The following CLSTN2 variants were observed in gnomAD, a reference collection of about 807,000 sequenced individuals.
CLSTN2 encodes the protein calsyntenin 2.
CLSTN2 carries 48 observed loss-of-function variants against 101.2 expected under a neutral mutation model. That is an observed-to-expected ratio of 0.47 (90% CI 0.38 to 0.60). The LOEUF (loss-of-function observed/expected upper bound fraction) is 0.60, where lower values mean the gene tolerates loss of function less well. Ranked by LOEUF, CLSTN2 falls within the 20% of genes least tolerant of loss-of-function variation. The pLI is 0.00. For missense variants in CLSTN2, 1,160 were observed against 1,238.2 expected (o/e 0.94, Z 0.95); for synonymous variants, 481 against 463.6 (o/e 1.04, Z -0.48).
At chr3:140,500,772 G>A (rs372656326) in intron 8 of CLSTN2, among the ~76,000 whole-genome samples, 12 of 152,196 alleles carry the variant, frequency 7.9e-5, no homozygotes, top group African/African-American at 2.9e-4. Context: ...TCCTCCCAGG[G>A]AGACTGAGGA....
At chr3:140,071,312 AG>A (rs2008388393) in intron 1 of CLSTN2, among the ~76,000 whole-genome samples, 4 of 152,200 alleles carry the variant, frequency 2.6e-5, no homozygotes, top group Admixed American at 6.5e-5. Context: ...AATCACAAAA[AG>A]GTTACAGAAA....
At chr3:140,234,785 T>C (rs913274841) in intron 2 of CLSTN2, among the ~76,000 whole-genome samples, 2 of 152,198 alleles carry the variant, frequency 1.3e-5, no homozygotes, top group Non-Finnish European at 2.9e-5. Context: ...TTGACAGGTC[T>C]CCTTATTGCT....
In CLSTN2 at chr3:140,509,475, G is replaced by A. The variant is rs556831799; in HGVS notation, c.1345-22849G>A. 1.8e-4 allele frequency among the ~76,000 whole-genome samples: 27 copies of A among 152,306 alleles called. 2 individuals carry two copies. In the South Asian group the frequency reaches 5.4e-3, roughly 30 times the overall value. On this transcript the variant is annotated intron_variant, in intron 8 of 16. Coordinates refer to ENST00000458420, the MANE Select transcript of CLSTN2 (RefSeq NM_022131.3). ...CAGAGACCACACTTTGAGAACCACT[G>A]TTCTGAGGCATCCTGCTGAAAGAAG...
At chr3:140,147,884 G>A (rs1185231501) in intron 1 of CLSTN2, among the ~76,000 whole-genome samples, 1 of 152,154 alleles carries the variant, frequency 6.6e-6, no homozygotes, top group Admixed American at 6.5e-5. Flanking sequence ...TACTACCCTT[G>A]TCATTTTTTA....
intron 9 of CLSTN2, among the ~76,000 whole-genome samples, chr3:140,533,668 G>A (rs983299181): frequency 4.3e-5 from 6 of 139,332 alleles, no homozygotes; most frequent in African/African-American, 1.1e-4. Context: ...CCGAGATCGC[G>A]CCACTGCACT....
At chr3:140,243,312 T>G (rs1263898001) in intron 2 of CLSTN2, among the ~76,000 whole-genome samples, 1 of 152,214 alleles carries the variant, frequency 6.6e-6, no homozygotes, top group Non-Finnish European at 1.5e-5. Context: ...AGACTCAATA[T>G]TTTTATCCAG....
chr3:140,053,572 G>A (rs769075391), intron 1 of CLSTN2, among the ~76,000 whole-genome samples: 1 of 152,168 alleles, frequency 6.6e-6, no homozygotes, highest in Non-Finnish European at 1.5e-5. Flanking sequence ...GAGCCAGCTC[G>A]CAACAGGAGC....
intron 2 of CLSTN2, among the ~76,000 whole-genome samples, chr3:140,194,128 G>T (rs970000821): frequency 5.3e-5 from 8 of 152,028 alleles, no homozygotes; most frequent in Admixed American, 3.9e-4. Flanking sequence ...TCCATTTAGG[G>T]TGCTAGAACA....
chr3:139,952,485 A>T lies in CLSTN2; in HGVS notation c.109+17002A>T, dbSNP rs555865783. 7.9e-5 allele frequency among the ~76,000 whole-genome samples: 12 copies of T among 152,142 alleles called. 1 individual carries two copies. The South Asian group carries it at 2.5e-3, about 32-fold the overall frequency. On this transcript the variant is annotated intron_variant, in intron 1 of 16. Transcript: ENST00000458420. ...TTGCCCCTACATTGGTTCCTTGGGA[A>T]TTTTTTAGAACGTGGAATCTTTTCT...
chr3:140,008,279 G>A (rs1202366291), intron 1 of CLSTN2, among the ~76,000 whole-genome samples: 1 of 152,226 alleles, frequency 6.6e-6, no homozygotes, highest in Non-Finnish European at 1.5e-5. Context: ...CCATTGCATG[G>A]CCTGTGTGAC....
chr3:140,539,900 A>G (rs1261584453), intron 9 of CLSTN2, among the ~76,000 whole-genome samples: 2 of 152,192 alleles, frequency 1.3e-5, no homozygotes, highest in African/African-American at 4.8e-5. Context: ...AGGCCAGAGG[A>G]TTCCGGATTT....
At chr3:140,291,646 C>T (rs550943505) in intron 2 of CLSTN2, among the ~76,000 whole-genome samples, 12 of 151,892 alleles carry the variant, frequency 7.9e-5, no homozygotes, top group African/African-American at 2.4e-4. Flanking sequence ...CATCTCCAGA[C>T]GAGATCTCTC....
intron 1 of CLSTN2, among the ~76,000 whole-genome samples, chr3:140,033,970 A>C (rs914863223): frequency 6.6e-6 from 1 of 152,196 alleles, no homozygotes; most frequent in Non-Finnish European, 1.5e-5. Flanking sequence ...AACAGCCTGA[A>C]AGGGTACAAA....
rs760563649 is a variant in CLSTN2 at position 140,566,157 on chromosome 3, G to A, written c.2772G>A (p.Glu924=). ...SSSSGSDDSE[E]EEEEEGMGRG... ...GCAGTGGCTCTGACGACAGCGAAGA[G>A]GAGGAGGAGGAGGAAGGGATGGGCA... Residue 924 remains glutamate, a synonymous_variant, in exon 17 of 17, where the codon GAG becomes GAA. Coordinates refer to ENST00000458420, the MANE Select transcript of CLSTN2 (RefSeq NM_022131.3). The A allele has an allele frequency of 2.6e-6, 4 of 1,545,786 alleles. No homozygotes were observed. The African/African-American group carries it at 4.2e-5, about 16-fold the overall frequency.
At chr3:140,554,221 A>T (rs1935757985) in intron 10 of CLSTN2, among the ~76,000 whole-genome samples, 1 of 152,188 alleles carries the variant, frequency 6.6e-6, no homozygotes, top group African/African-American at 2.4e-5. Flanking sequence ...GTCGAAGGTG[A>T]CAAAGATTGA....
chr3:140,216,137 C>A (rs1416352111), intron 2 of CLSTN2, among the ~76,000 whole-genome samples: 1 of 152,180 alleles, frequency 6.6e-6, no homozygotes, highest in Non-Finnish European at 1.5e-5. Flanking sequence ...TGTGAGGGAT[C>A]TAGGCTGTAA....
chr3:140,508,038 A>G lies in CLSTN2; in HGVS notation c.1345-24286A>G, dbSNP rs1576604018. The G allele has an allele frequency of 3.9e-5, 6 of 152,322 alleles. 1 individual carries two copies. The highest frequency in any genetic ancestry group is 3.9e-4 in the Admixed American group (6 of 15,296). The allele number at this position is 152,322 out of a possible 1,614,324, so 9.4% of individuals were successfully genotyped here. On this transcript the variant is annotated intron_variant, in intron 8 of 16. Transcript: ENST00000458420. Reference sequence around the variant, plus strand: ...AGTGGAAATCCAAATAGGTGCTGCTATCCCCAGAATGTGCATGGAAGCCAC... The same window carrying G: ...AGTGGAAATCCAAATAGGTGCTGCTGTCCCCAGAATGTGCATGGAAGCCAC...
chr3:140,519,006 C>T lies in CLSTN2; in HGVS notation c.1345-13318C>T, dbSNP rs574402413. Among the ~76,000 whole-genome samples, 4 of 152,214 alleles carry T rather than the reference C, an allele frequency of 2.6e-5. No homozygotes were observed. In the South Asian group the frequency reaches 8.3e-4, roughly 32 times the overall value. On this transcript the variant is annotated intron_variant, in intron 8 of 16. Coordinates refer to ENST00000458420, the MANE Select transcript of CLSTN2 (RefSeq NM_022131.3). ...CTCTTAACACTGCTTTAGCTGCATC[C>T]CAGAAAGTCTGGTACATTGTCTCTT... is the stretch of plus-strand genomic sequence containing the variant.
At chr3:140,312,906 G>A (rs539165654) in intron 2 of CLSTN2, among the ~76,000 whole-genome samples, 1 of 152,342 alleles carries the variant, frequency 6.6e-6, no homozygotes, top group African/African-American at 2.4e-5. Context: ...TTGTTAGCTT[G>A]TCTGCAAAGG....
Sources: allele counts gnomAD v4.1 joint callset (sites outside exome capture counted in the v4.1 genomes callset), GRCh38; gene constraint gnomAD v4.1.1; transcripts MANE v1.5; gene names NCBI Gene and HGNC (gene_info 2026-07-23, HGNC 2026-07-21).